TBL1XR1: variants seen among roughly 807,000 people sequenced by gnomAD.
TBL1XR1 encodes the protein TBL1X/Y related 1.
In TBL1XR1, 5 loss-of-function variants were observed where a neutral mutation model predicts 66.9. The observed-to-expected ratio is 0.07, with a 90% CI of 0.04 to 0.16. The LOEUF is 0.16. Among genes scored for constraint, TBL1XR1 ranks in the 10% least tolerant of loss-of-function variants. The pLI, the probability that TBL1XR1 is intolerant of heterozygous loss-of-function variation, is 1.00. For synonymous variants in TBL1XR1, 210 were observed against 206.0 expected (o/e 1.02, Z -0.17); for missense variants, 238 against 623.2 (o/e 0.38, Z 6.58).
At chr3:177,187,781 T>C (rs1047353773) in intron 1 of TBL1XR1, among the ~76,000 whole-genome samples, 15 of 152,016 alleles carry the variant, frequency 9.9e-5, no homozygotes, top group African/African-American at 2.9e-4. Flanking sequence ...AAAGCACTTA[T>C]TGATTCCACA....
intron 2 of TBL1XR1, among the ~76,000 whole-genome samples, chr3:177,082,167 G>A (rs1721474820): frequency 6.6e-6 from 1 of 152,002 alleles, no homozygotes; most frequent in Admixed American, 6.5e-5. Context: ...GCACAACATA[G>A]CACTTTTACT....
At position 177,034,223 on chromosome 3, in the gene TBL1XR1, G is replaced by GATT; in HGVS notation, c.1222_1224dup (p.Asn408dup). On this transcript the variant is annotated inframe_insertion, in exon 13 of 16. Coordinates refer to ENST00000457928, the MANE Select transcript of TBL1XR1 (RefSeq NM_024665.7). ...CTTGCTAACATAAGGTTGGCATTTG[G>GATT]ATTATTAGTCCCTGGTCCTGTTGGA... is the stretch of plus-strand genomic sequence containing the variant. 1 of 1,600,316 alleles carries GATT rather than the reference G, an allele frequency of 6.2e-7. No individual in the cohort carries two copies. Among genetic ancestry groups the GATT allele is most frequent in the Non-Finnish European group, 8.5e-7 (1 of 1,176,704 alleles).
chr3:177,049,004 CA>C (rs1484274218), intron 7 of TBL1XR1, among the ~76,000 whole-genome samples: 1 of 152,152 alleles, frequency 6.6e-6, no homozygotes, highest in Non-Finnish European at 1.5e-5. Context: ...AATAATACTA[CA>C]ATGTGCTAAA....
At chr3:177,093,229 CA>C (rs1326509455) in intron 2 of TBL1XR1, among the ~76,000 whole-genome samples, 1 of 151,860 alleles carries the variant, frequency 6.6e-6, no homozygotes, top group African/African-American at 2.4e-5. Flanking sequence ...GTAGTAGCTG[CA>C]AAAATAAAAT....
intron 1 of TBL1XR1, among the ~76,000 whole-genome samples, chr3:177,107,342 GTTTC>G (rs752015109): frequency 5.5e-4 from 83 of 152,218 alleles, no homozygotes; most frequent in Admixed American, 1.5e-3. Flanking sequence ...TTTCAAATTG[GTTTC>G]TTTAATTTCA....
At chr3:177,166,840 G>C (rs1253969932) in intron 1 of TBL1XR1, among the ~76,000 whole-genome samples, 2 of 152,164 alleles carry the variant, frequency 1.3e-5, no homozygotes, top group Admixed American at 6.5e-5. Flanking sequence ...CTGGAACACT[G>C]AAAACACCAA....
chr3:177,048,988 C>A (rs569254760), intron 7 of TBL1XR1, among the ~76,000 whole-genome samples: 1 of 152,262 alleles, frequency 6.6e-6, no homozygotes, highest in African/African-American at 2.4e-5. Flanking sequence ...CTTGATCTTA[C>A]AAGTAAATAA....
intron 7 of TBL1XR1, among the ~76,000 whole-genome samples, chr3:177,048,171 G>A (rs1175659624): frequency 4.6e-5 from 7 of 152,126 alleles, no homozygotes; most frequent in Admixed American, 1.3e-4. Flanking sequence ...AGTTAATGAA[G>A]TAAGTACAAC....
intron 1 of TBL1XR1, among the ~76,000 whole-genome samples, chr3:177,118,037 G>A (rs950395353): frequency 6.6e-6 from 1 of 152,164 alleles, no homozygotes; most frequent in Non-Finnish European, 1.5e-5. Flanking sequence ...TCTTTTATAG[G>A]TAGTATACGA....
chr3:177,147,047 CTTTTTT>C (rs559312015), intron 1 of TBL1XR1, among the ~76,000 whole-genome samples: 2 of 140,944 alleles, frequency 1.4e-5, no homozygotes, highest in Admixed American at 1.4e-4. Context: ...ATTCCTAAGA[CTTTTTT>C]TTTTTTTTTA....
At chr3:177,119,835 C>T (rs1466972445) in intron 1 of TBL1XR1, among the ~76,000 whole-genome samples, 1 of 152,216 alleles carries the variant, frequency 6.6e-6, no homozygotes, top group Non-Finnish European at 1.5e-5. Context: ...ATACCAACCT[C>T]ACCCATTTTC....
At chr3:177,122,492 T>C (rs1727095786) in intron 1 of TBL1XR1, among the ~76,000 whole-genome samples, 1 of 152,132 alleles carries the variant, frequency 6.6e-6, no homozygotes, top group Non-Finnish European at 1.5e-5. Flanking sequence ...AACACAGATG[T>C]CAAATTTTAC....
chr3:177,162,538 G>A (rs1029095325), intron 1 of TBL1XR1, among the ~76,000 whole-genome samples: 2 of 152,210 alleles, frequency 1.3e-5, no homozygotes, highest in African/African-American at 4.8e-5. Flanking sequence ...AATGGGGCCT[G>A]AGGAAATTTT....
intron 1 of TBL1XR1, among the ~76,000 whole-genome samples, chr3:177,133,033 A>C (rs999639559): frequency 6.6e-6 from 1 of 152,232 alleles, no homozygotes; most frequent in African/African-American, 2.4e-5. Context: ...TCACGCCTGG[A>C]ATCCCAGCAC....
intron 1 of TBL1XR1, among the ~76,000 whole-genome samples, chr3:177,159,155 T>TA (rs918873493): frequency 2.2e-3 from 321 of 143,534 alleles, no homozygotes; most frequent in South Asian, 0.018. Context: ...TCTCAATGGG[T>TA]AAAAAAAAAA....
intron 1 of TBL1XR1, among the ~76,000 whole-genome samples, chr3:177,122,448 G>A (rs1727091266): frequency 6.6e-6 from 1 of 152,056 alleles, no homozygotes; most frequent in African/African-American, 2.4e-5. Context: ...AGTAATGACC[G>A]AAATCCCTTA....
intron 15 of TBL1XR1, 30 bp downstream of exon 15, chr3:177,026,343 C>T (rs944049368): frequency 1.9e-6 from 3 of 1,565,222 alleles, no homozygotes. Context: ...CCCACCCACA[C>T]CCTCTTTGGA....
chr3:177,166,351 C>T (rs1337165860), intron 1 of TBL1XR1, among the ~76,000 whole-genome samples: 1 of 152,070 alleles, frequency 6.6e-6, no homozygotes, highest in Non-Finnish European at 1.5e-5. Flanking sequence ...TAAACAGAGA[C>T]CTTATTCAAA....
chr3:177,095,369 AAAT>A (rs758200469), intron 2 of TBL1XR1, among the ~76,000 whole-genome samples: 2 of 152,130 alleles, frequency 1.3e-5, no homozygotes, highest in Non-Finnish European at 2.9e-5. Flanking sequence ...TAAAAAGTCA[AAAT>A]AATAATATAC....
Sources: gnomAD v4.1 joint callset for allele counts (sites outside exome capture counted in the v4.1 genomes callset) on GRCh38, gnomAD v4.1.1 for gene constraint, MANE v1.5 for transcripts, NCBI Gene and HGNC (gene_info 2026-07-23, HGNC 2026-07-21) for gene names.